The following AUH variants were observed in gnomAD, a reference collection of about 807,000 sequenced individuals.
The protein encoded by AUH is AU RNA binding methylglutaconyl-CoA hydratase.
Under a neutral mutation model 42.3 loss-of-function variants are expected in AUH, and 29 were observed. That is an observed-to-expected ratio of 0.69 (90% CI 0.51 to 0.93). The LOEUF is 0.93. Among genes scored for constraint, AUH ranks in the 40% least tolerant of loss-of-function variants. The pLI is 0.00. For synonymous variants in AUH, 174 were observed against 166.4 expected, an observed-to-expected ratio of 1.05 and a Z score of -0.35; for missense variants, 452 against 438.1, an observed-to-expected ratio of 1.03 and a Z score of -0.28.
intron 6 of AUH, among the ~76,000 whole-genome samples, chr9:91,274,302 A>C (rs143902522): frequency 3.3e-5 from 5 of 152,236 alleles, no homozygotes; most frequent in African/African-American, 1.2e-4. Flanking sequence ...GATACTGTTA[A>C]TACAGTAGTC....
intron 3 of AUH, among the ~76,000 whole-genome samples, chr9:91,345,352 A>G (rs1360795042): frequency 6.6e-6 from 1 of 152,210 alleles, no homozygotes; most frequent in Non-Finnish European, 1.5e-5. Context: ...ACAAGGTTGC[A>G]GGATACAAAG....
chr9:91,322,659 A>G (rs1428173777), intron 4 of AUH, among the ~76,000 whole-genome samples: 1 of 152,248 alleles, frequency 6.6e-6, no homozygotes, highest in African/African-American at 2.4e-5. Flanking sequence ...TAGCATAGAA[A>G]AACATGGAAA....
At chr9:91,328,417 G>T (rs898279257) in intron 3 of AUH, among the ~76,000 whole-genome samples, 1 of 152,226 alleles carries the variant, frequency 6.6e-6, no homozygotes. Context: ...CAGCCAGGAT[G>T]TAAGAGGCTG....
At chr9:91,359,837 CT>C (rs987423891) in intron 1 of AUH, among the ~76,000 whole-genome samples, 1 of 152,130 alleles carries the variant, frequency 6.6e-6, no homozygotes, top group African/African-American at 2.4e-5. Context: ...CTGTAGTACC[CT>C]TGACCTCATG....
chr9:91,336,509 A>G (rs1485215248), intron 3 of AUH, among the ~76,000 whole-genome samples: 1 of 152,048 alleles, frequency 6.6e-6, no homozygotes, highest in Non-Finnish European at 1.5e-5. Context: ...GCACACCTGT[A>G]AACCTAGCTA....
chr9:91,267,828 A>C (rs1830060287), intron 6 of AUH, among the ~76,000 whole-genome samples: 5 of 152,088 alleles, frequency 3.3e-5, no homozygotes, highest in Admixed American at 3.3e-4. Context: ...TCTACTCTGT[A>C]AATGCATTCC....
At chr9:91,336,223 A>ATATATATG (rs1354812024) in intron 3 of AUH, among the ~76,000 whole-genome samples, 1 of 151,896 alleles carries the variant, frequency 6.6e-6, no homozygotes, top group Non-Finnish European at 1.5e-5. Context: ...GTATATACAC[A>ATATATATG]CACATACATA....
At chr9:91,349,652 GGT>G (rs1190705580) in intron 3 of AUH, among the ~76,000 whole-genome samples, 2 of 148,932 alleles carry the variant, frequency 1.3e-5, no homozygotes, top group Admixed American at 6.7e-5. Flanking sequence ...TGTGTGTGTG[GGT>G]GTGTGTATGT....
At chr9:91,234,405 C>T (rs1013690199) in intron 6 of AUH, among the ~76,000 whole-genome samples, 1 of 152,130 alleles carries the variant, frequency 6.6e-6, no homozygotes, top group African/African-American at 2.4e-5. Flanking sequence ...TTCTGGGGCT[C>T]CTGGGTTCCA....
At chr9:91,265,950 T>A (rs1013307580) in intron 6 of AUH, among the ~76,000 whole-genome samples, 1 of 152,208 alleles carries the variant, frequency 6.6e-6, no homozygotes, top group African/African-American at 2.4e-5. Context: ...ACCTTTTTTT[T>A]TCTCTTTTAT....
At chr9:91,214,924 G>T (rs1826735272) in intron 9 of AUH, among the ~76,000 whole-genome samples, 1 of 151,932 alleles carries the variant, frequency 6.6e-6, no homozygotes, top group Admixed American at 6.6e-5. Context: ...ATAATTTCTG[G>T]TGTTTACATT....
At chr9:91,331,932 G>T (rs1830358090) in intron 3 of AUH, among the ~76,000 whole-genome samples, 1 of 152,154 alleles carries the variant, frequency 6.6e-6, no homozygotes, top group South Asian at 2.1e-4. Context: ...TCCACAGTGG[G>T]TGTTAACGTC....
chr9:91,315,608 GA>G (rs896813102), intron 4 of AUH, among the ~76,000 whole-genome samples: 140 of 149,554 alleles, frequency 9.4e-4, no homozygotes, highest in Non-Finnish European at 9.2e-4. Context: ...CAGTAAGAAA[GA>G]AAAAAAAATA....
In AUH at chr9:91,220,835, G is replaced by C. The variant is rs1827090040; in HGVS notation, c.813C>G (p.Ala271=). 1 of 1,614,100 alleles carries C rather than the reference G, an allele frequency of 6.2e-7. No individual in the cohort carries two copies. Among genetic ancestry groups the C allele is most frequent in the Non-Finnish European group, 8.5e-7 (1 of 1,180,060 alleles). The change falls in exon 7 of 10, where the codon GCC becomes GCG. Residue 271 remains alanine, a synonymous_variant. Coordinates refer to ENST00000375731, the MANE Select transcript of AUH (RefSeq NM_001698.3). ...GTAAAAACTCTCTCGCCAGGTCCAA[G>C]GCCTTCCTGTAGGCCGCGTCTCCCT... ...NQEGDAAYRK[A]LDLAREFLPQ...
At chr9:91,343,111 A>G (rs1587901750) in intron 3 of AUH, 1 of 152,122 alleles carries the variant, frequency 6.6e-6, no homozygotes, top group African/African-American at 2.4e-5. Flanking sequence ...TCAACAGTAG[A>G]CTATTAGTAG....
intron 6 of AUH, among the ~76,000 whole-genome samples, chr9:91,234,307 T>G (rs1444302120): frequency 6.6e-6 from 1 of 152,196 alleles, no homozygotes; most frequent in Non-Finnish European, 1.5e-5. Context: ...ACAGTCTGAA[T>G]GGGCAACCTC....
Position 91,283,097 on chromosome 9 carries a change from C to G in AUH, c.655+12924G>C, listed in dbSNP as rs544675821. 2.6e-5 allele frequency among the ~76,000 whole-genome samples: 4 copies of G among 151,878 alleles called. No homozygotes were observed. In the East Asian group the frequency reaches 5.8e-4, roughly 22 times the overall value. ...TGGCAAAACGAATCCAGCAGCACAT[C>G]AAAAAGCTTATCCACCATGATCAAG... On this transcript the variant is annotated intron_variant, in intron 6 of 9. Coordinates refer to ENST00000375731, the MANE Select transcript of AUH (RefSeq NM_001698.3).
At chr9:91,257,028 T>C (rs938133694) in intron 6 of AUH, among the ~76,000 whole-genome samples, 3 of 152,172 alleles carry the variant, frequency 2.0e-5, no homozygotes, top group African/African-American at 4.8e-5. Context: ...CCGCTGGGTG[T>C]TGCTCTTGTC....
At chr9:91,222,315 A>G (rs1827178597) in intron 6 of AUH, among the ~76,000 whole-genome samples, 1 of 152,262 alleles carries the variant, frequency 6.6e-6, no homozygotes, top group Admixed American at 6.5e-5. Flanking sequence ...TTAAGATGCC[A>G]TTATTAAGCA....
Sources: gnomAD v4.1 joint callset for allele counts (sites outside exome capture counted in the v4.1 genomes callset) on GRCh38, gnomAD v4.1.1 for gene constraint, MANE v1.5 for transcripts, NCBI Gene and HGNC (gene_info 2026-07-23, HGNC 2026-07-21) for gene names.